The following RABGAP1L variants were observed in gnomAD, a reference collection of about 807,000 sequenced individuals.
The protein encoded by RABGAP1L is RAB GTPase activating protein 1 like.
A neutral mutation model predicts 137.7 loss-of-function variants in RABGAP1L; 63 were observed. That is an observed-to-expected ratio of 0.46 (90% CI 0.37 to 0.56). RABGAP1L has a LOEUF of 0.56. Ranked by LOEUF, RABGAP1L falls within the 20% of genes least tolerant of loss-of-function variation. The pLI is 0.00. For missense variants in RABGAP1L, 1,095 were observed against 1,244.0 expected (o/e 0.88, Z 1.80); for synonymous variants, 431 against 433.7 (o/e 0.99, Z 0.08).
intron 18 of RABGAP1L, among the ~76,000 whole-genome samples, chr1:174,805,088 A>G (rs1169658364): frequency 6.6e-6 from 1 of 152,228 alleles, no homozygotes; most frequent in Non-Finnish European, 1.5e-5. Flanking sequence ...TACACTCCAT[A>G]ATTTCCATTG....
At chr1:174,596,440 G>C (rs546056512) in intron 13 of RABGAP1L, among the ~76,000 whole-genome samples, 4 of 151,944 alleles carry the variant, frequency 2.6e-5, no homozygotes, top group Non-Finnish European at 4.4e-5. Context: ...TCACTTCTTT[G>C]GTTAAGTTAT....
intron 1 of RABGAP1L, among the ~76,000 whole-genome samples, chr1:174,205,888 T>C (rs1425293104): frequency 6.6e-6 from 1 of 152,178 alleles, no homozygotes; most frequent in Non-Finnish European, 1.5e-5. Flanking sequence ...AATAATTTGT[T>C]GAAAGGAATA....
chr1:174,598,634 G>A (rs1280706400), intron 13 of RABGAP1L, among the ~76,000 whole-genome samples: 5 of 152,082 alleles, frequency 3.3e-5, no homozygotes, highest in South Asian at 4.1e-4. Context: ...TTGTCGAATT[G>A]ACCCCTTTAT....
chr1:174,694,178 AT>A lies in RABGAP1L; in HGVS notation c.1900-5339del, dbSNP rs934901846. Among the ~76,000 whole-genome samples the A allele has an allele frequency of 3.4e-4, 52 of 151,582 alleles. 1 individual carries two copies. Among genetic ancestry groups the A allele is most frequent in the Middle Eastern group, 3.4e-3 (1 of 294 alleles). The stretch of plus-strand genomic sequence containing the variant: ...TTACCTGCAAATACTGTACTATGCC[AT>A]TTTTTTTCTTTTTTTATTTTTTATT... On this transcript the variant is annotated intron_variant, in intron 15 of 25. Transcript: ENST00000681986.
At chr1:174,338,181 T>C (rs1270613625) in intron 11 of RABGAP1L, among the ~76,000 whole-genome samples, 2 of 152,176 alleles carry the variant, frequency 1.3e-5, no homozygotes, top group Non-Finnish European at 2.9e-5. Flanking sequence ...GTGAATTTTC[T>C]CCCCTGTGAT....
chr1:174,721,218 T>C (rs1452432234), intron 17 of RABGAP1L, among the ~76,000 whole-genome samples: 1 of 152,244 alleles, frequency 6.6e-6, no homozygotes, highest in Non-Finnish European at 1.5e-5. Flanking sequence ...AGTTATCAGA[T>C]GATAAAGGTG....
At chr1:174,821,699 C>T (rs564993874) in intron 19 of RABGAP1L, among the ~76,000 whole-genome samples, 21 of 152,270 alleles carry the variant, frequency 1.4e-4, no homozygotes, top group East Asian at 1.9e-4. Flanking sequence ...TGTTGCTGTA[C>T]GTGAACAAGA....
At chr1:174,539,777 G>A (rs1452255987) in intron 13 of RABGAP1L, among the ~76,000 whole-genome samples, 2 of 152,158 alleles carry the variant, frequency 1.3e-5, no homozygotes, top group African/African-American at 4.8e-5. Flanking sequence ...CTTTATAACA[G>A]CATGATTTAT....
At chr1:174,437,264 C>T (rs531777616) in intron 13 of RABGAP1L, among the ~76,000 whole-genome samples, 1 of 152,256 alleles carries the variant, frequency 6.6e-6, no homozygotes, top group East Asian at 1.9e-4. Context: ...GAAGATCAAA[C>T]TACTCCGAGC....
intron 21 of RABGAP1L, among the ~76,000 whole-genome samples, chr1:174,969,740 A>G (rs967951465): frequency 6.6e-6 from 1 of 152,208 alleles, no homozygotes; most frequent in Non-Finnish European, 1.5e-5. Context: ...TTTTTGTTCC[A>G]GTAAGAATTA....
intron 13 of RABGAP1L, among the ~76,000 whole-genome samples, chr1:174,609,459 T>C (rs1013149127): frequency 2.6e-5 from 4 of 152,114 alleles, no homozygotes; most frequent in Admixed American, 2.6e-4. Context: ...AAAGCAAAAA[T>C]GTATATTGAT....
At position 174,656,064 on chromosome 1, in the gene RABGAP1L, A is replaced by AT. The variant is rs547776331; in HGVS notation, c.1824+18577dup. ...CATTGTATAGAACTAAGGAATCTAT[A>AT]TGTATATACATATATGCATGTGTGT... On this transcript the variant is annotated intron_variant, in intron 14 of 25. Transcript: ENST00000681986. 1.2e-4 allele frequency among the ~76,000 whole-genome samples: 19 copies of AT among 152,356 alleles called. No individual in the cohort carries two copies. The South Asian group carries it at 3.7e-3, about 30-fold the overall frequency.
intron 18 of RABGAP1L, among the ~76,000 whole-genome samples, chr1:174,798,847 G>T (rs1688481454): frequency 6.6e-6 from 1 of 152,302 alleles, no homozygotes; most frequent in African/African-American, 2.4e-5. Flanking sequence ...GCTGAATATG[G>T]ATTAGTTAAT....
intron 7 of RABGAP1L, among the ~76,000 whole-genome samples, chr1:174,263,652 G>A (rs898221964): frequency 4.0e-5 from 6 of 151,840 alleles, no homozygotes; most frequent in African/African-American, 7.3e-5. Flanking sequence ...TCCATTCCAC[G>A]CACAGCCTTT....
chr1:174,712,245 C>A (rs560470621), intron 17 of RABGAP1L, among the ~76,000 whole-genome samples: 1 of 152,182 alleles, frequency 6.6e-6, no homozygotes, highest in Non-Finnish European at 1.5e-5. Flanking sequence ...AGTCACCTTC[C>A]GGACTGTGGA....
At chr1:174,418,128 T>C (rs1160732290) in intron 13 of RABGAP1L, among the ~76,000 whole-genome samples, 3 of 152,232 alleles carry the variant, frequency 2.0e-5, no homozygotes, top group Non-Finnish European at 4.4e-5. Flanking sequence ...GTTGGTTGTG[T>C]TGCTTACCGG....
At chr1:174,752,635 T>C (rs1684429892) in intron 18 of RABGAP1L, among the ~76,000 whole-genome samples, 1 of 152,130 alleles carries the variant, frequency 6.6e-6, no homozygotes, top group African/African-American at 2.4e-5. Flanking sequence ...TTGGATGATA[T>C]AAGAGAAAAG....
At chr1:174,984,057 CAA>C (rs1163719976) in intron 24 of RABGAP1L, among the ~76,000 whole-genome samples, 28,280 of 115,176 alleles carry the variant, frequency 0.25, 2,794 homozygotes, top group South Asian at 0.33. Flanking sequence ...TTTCTTCTAA[CAA>C]AAAAAAAAAA....
At chr1:174,837,938 C>T (rs1254018565) in intron 19 of RABGAP1L, among the ~76,000 whole-genome samples, 1 of 152,138 alleles carries the variant, frequency 6.6e-6, no homozygotes, top group Admixed American at 6.5e-5. Context: ...GCCCTAATTT[C>T]TGCTAGGTAT....
Sources: allele counts gnomAD v4.1 joint callset (sites outside exome capture counted in the v4.1 genomes callset), GRCh38; gene constraint gnomAD v4.1.1; transcripts MANE v1.5; gene names NCBI Gene and HGNC (gene_info 2026-07-23, HGNC 2026-07-21).